The following ARHGEF4 variants were observed in gnomAD, a reference collection of about 807,000 sequenced individuals.
ARHGEF4 encodes the protein Rho guanine nucleotide exchange factor 4.
ARHGEF4 carries 119 observed loss-of-function variants against 162.0 expected under a neutral mutation model. That is an observed-to-expected ratio of 0.73 (90% CI 0.63 to 0.86). The LOEUF is 0.86. Ranked by LOEUF, ARHGEF4 falls within the 40% of genes least tolerant of loss-of-function variation. ARHGEF4 has a pLI of 0.00. For missense variants in ARHGEF4, 2,488 were observed against 2,456.0 expected (o/e 1.01, Z -0.28); for synonymous variants, 1,014 against 979.9 (o/e 1.03, Z -0.65).
intron 4 of ARHGEF4, among the ~76,000 whole-genome samples, chr2:131,016,317 C>T (rs968009780): frequency 1.3e-5 from 2 of 152,212 alleles, no homozygotes; most frequent in African/African-American, 4.8e-5. Flanking sequence ...TCCTCAGAAC[C>T]CTGCGTGTGT....
intron 4 of ARHGEF4, among the ~76,000 whole-genome samples, chr2:130,958,085 G>T (rs1409592120): frequency 2.0e-5 from 3 of 151,890 alleles, no homozygotes; most frequent in Non-Finnish European, 2.9e-5. Context: ...GCCAAAGAAG[G>T]AAGTCACCCC....
intron 4 of ARHGEF4, among the ~76,000 whole-genome samples, chr2:130,987,964 G>T (rs775985725): frequency 3.3e-5 from 5 of 152,168 alleles, no homozygotes; most frequent in Non-Finnish European, 7.3e-5. Context: ...CACTGTGACA[G>T]ACTGACAGGT....
chr2:130,962,727 C>G (rs1206739998), intron 4 of ARHGEF4, among the ~76,000 whole-genome samples: 1 of 151,976 alleles, frequency 6.6e-6, no homozygotes, highest in Non-Finnish European at 1.5e-5. Flanking sequence ...ATTTCATCCT[C>G]TCCCTCTCAA....
rs58855269 is a variant in ARHGEF4, at chr2:130,854,846, T to TTTTATTTATTTATTTA, written c.39+17882_39+17897dup. On this transcript the variant is annotated intron_variant, in intron 1 of 13. Transcript: ENST00000409359. ...TGCAGCTTTGCTGGAGGAGTCTGAC[T>TTTTATTTATTTATTTA]TTTATTTATTTATTTATTTATTTAT... Among the ~76,000 whole-genome samples, 151 of 140,310 alleles carry TTTTATTTATTTATTTA rather than the reference T, an allele frequency of 1.1e-3. 2 individuals are homozygous for TTTTATTTATTTATTTA. The highest frequency in any genetic ancestry group is 5.9e-4 in the Non-Finnish European group (38 of 64,918). The allele number at this position is 140,310 out of a possible 152,430, so 92.0% of individuals were successfully genotyped here.
chr2:131,042,067 C>T lies in ARHGEF4; in HGVS notation c.5025+123C>T. 2.2e-6 allele frequency: 3 copies of T among 1,357,698 alleles called. No homozygotes were observed. In the African/African-American group the frequency reaches 4.4e-5, roughly 20 times the overall value. 84.1% of individuals were successfully genotyped at this position (1,357,698 alleles called of 1,614,324 possible). A position where few individuals can be genotyped will look rare whatever the true frequency, so the allele number is the denominator to read the frequency against. ...GAGCTGCGCTCCTGGGAGCTAGCAACAGATGCTCATGGTGTGAAAGCCTGT... is the reference window on the plus strand; with the variant it reads ...GAGCTGCGCTCCTGGGAGCTAGCAATAGATGCTCATGGTGTGAAAGCCTGT... On this transcript the variant is annotated intron_variant, in intron 10 of 13. Coordinates refer to ENST00000409359, the MANE Select transcript of ARHGEF4 (RefSeq NM_001367493.1).
At chr2:130,874,372 C>G (rs1678692019) in intron 1 of ARHGEF4, among the ~76,000 whole-genome samples, 2 of 152,266 alleles carry the variant, frequency 1.3e-5, no homozygotes, top group Admixed American at 1.3e-4. Context: ...CCAAGTCATT[C>G]TGCTGACATG....
At chr2:130,846,511 C>T (rs272106) in intron 1 of ARHGEF4, among the ~76,000 whole-genome samples, 14,128 of 152,216 alleles carry the variant, frequency 0.093, 898 homozygotes, top group East Asian at 0.19. Context: ...AACCTGCCTG[C>T]GGGGGCTGTG....
In ARHGEF4 at chr2:130,916,350, A is replaced by C; in HGVS notation, c.2404A>C (p.Lys802Gln). ...GTTTTCCAAGGTGACCTCCTTCAGG[A>C]AGGGCAGGCCCTTGGCCACTGAGAG... ...PTFSKVTSFR[K>Q]GRPLATESPG... Residue 802 changes from lysine (K) to glutamine (Q), a missense_variant, in exon 2 of 14, where the codon AAG becomes CAG. Around this residue, in one of 6 missense-constraint regions of ARHGEF4, gnomAD observed 1,642 missense variants for 1,481.5 expected, o/e 1.11. Transcript: ENST00000409359. The C allele has an allele frequency of 6.5e-7, 1 of 1,542,872 alleles. No individual in the cohort carries two copies. Among genetic ancestry groups the C allele is most frequent in the Non-Finnish European group, 8.7e-7 (1 of 1,145,384 alleles).
intron 1 of ARHGEF4, among the ~76,000 whole-genome samples, chr2:130,864,201 G>GA (rs56982493): frequency 0.026 from 2,659 of 101,420 alleles, 77 homozygotes; most frequent in African/African-American, 0.08. Context: ...AAGAAAGAAA[G>GA]AAAAAAAAAA....
chr2:130,882,379 C>G (rs1204352425), intron 1 of ARHGEF4, among the ~76,000 whole-genome samples: 1 of 152,092 alleles, frequency 6.6e-6, no homozygotes, highest in Non-Finnish European at 1.5e-5. Flanking sequence ...GGCTGGACGC[C>G]CGTGGTCAGG....
chr2:131,041,762 AC>A, intron 9 of ARHGEF4, 52 bp from the exon 10 acceptor site: 1 of 1,592,190 alleles, frequency 6.3e-7, no homozygotes, highest in Non-Finnish European at 8.6e-7. Context: ...GGGGATCCTC[AC>A]CCTTTCTCTG....
Position 130,931,243 on chromosome 2 carries a change from A to G in ARHGEF4, c.3844A>G (p.Lys1282Glu), listed in dbSNP as rs764181668. 8.1e-6 allele frequency: 13 copies of G among 1,608,156 alleles called. No homozygotes were observed. The South Asian group carries it at 1.3e-4, about 16-fold the overall frequency. ...ERRLHIGAVH[K>E]DGVKCWRKTI... is the part of the protein sequence containing the mutation. ...GAGGCTGCACATAGGGGCAGTGCAC[A>G]AAGATGGAGTCAAGGTAAGCCACTC... Residue 1282 changes from lysine (K) to glutamate (E), a missense_variant, in exon 3 of 14, where the codon AAA becomes GAA. By Grantham distance (56) the Lys-to-Glu change is moderately conservative. Transcript: ENST00000409359.
chr2:130,866,559 G>A (rs948254547), intron 1 of ARHGEF4, among the ~76,000 whole-genome samples: 3 of 152,184 alleles, frequency 2.0e-5, no homozygotes. Flanking sequence ...GTCTCTCCTT[G>A]TATCCTTAGC....
intron 3 of ARHGEF4, among the ~76,000 whole-genome samples, chr2:130,940,267 G>A (rs879643996): frequency 5.9e-5 from 9 of 152,132 alleles, no homozygotes; most frequent in Admixed American, 2.0e-4. Flanking sequence ...ATTCTGTGTA[G>A]ATGGAACATA....
intron 1 of ARHGEF4, among the ~76,000 whole-genome samples, chr2:130,888,301 G>T (rs938887978): frequency 6.6e-6 from 1 of 151,888 alleles, no homozygotes; most frequent in East Asian, 1.9e-4. Context: ...GTGAAACCCC[G>T]TCTCTACTAA....
chr2:130,914,656 T>A lies in ARHGEF4; in HGVS notation c.710T>A (p.Leu237Gln). Residue 237 changes from leucine (L) to glutamine (Q), a missense_variant, in exon 2 of 14, where the codon CTG (leucine) becomes CAG (glutamine). Physicochemically the swap from Leu to Gln is moderately radical, Grantham distance 113. This residue lies in a region of ARHGEF4 where 1,642 missense variants were observed against 1,481.5 expected (regional missense o/e 1.11). Coordinates refer to ENST00000409359, the MANE Select transcript of ARHGEF4 (RefSeq NM_001367493.1). The stretch of plus-strand genomic sequence containing the variant: ...CCCTTCCTTCTCTGGTGCTGTGAAC[T>A]GGGTCGGAGTTGGCCACATATCCAC... ...VWPFLLWCCE[L>Q]GRSWPHIHNR... is the part of the protein sequence containing the mutation. 3 of 1,387,896 alleles carry A rather than the reference T, an allele frequency of 2.2e-6. No individual in the cohort carries two copies. The highest frequency in any genetic ancestry group is 2.8e-6 in the Non-Finnish European group (3 of 1,077,586). 86.0% of individuals were successfully genotyped at this position (1,387,896 alleles called of 1,614,324 possible).
chr2:131,035,000 AGGCGCCCCGCCTCTCCCCGGGCGCTGCG>A, intron 5 of ARHGEF4: 1 of 983,660 alleles, frequency 1.0e-6, no homozygotes, highest in African/African-American at 1.8e-5. Flanking sequence ...CCGCGAGCGC[AGGCGCCCCGCCTCTCCCCGGGCGCTGCG>A]GGCCACCGGC....
chr2:130,851,564 C>G (rs759070936), intron 1 of ARHGEF4, among the ~76,000 whole-genome samples: 2 of 152,200 alleles, frequency 1.3e-5, no homozygotes, highest in Non-Finnish European at 2.9e-5. Flanking sequence ...CACATGGTCT[C>G]TATCCGAGAG....
intron 1 of ARHGEF4, among the ~76,000 whole-genome samples, chr2:130,841,291 C>T (rs1680590732): frequency 6.6e-6 from 1 of 151,860 alleles, no homozygotes; most frequent in African/African-American, 2.4e-5. Flanking sequence ...GTCTCGAACT[C>T]CTGACCTCGT....
Sources: gnomAD v4.1 joint callset for allele counts (sites outside exome capture counted in the v4.1 genomes callset) on GRCh38, gnomAD v4.1.1 for gene constraint, gnomAD v4.1.1 regional missense constraint, MANE v1.5 for transcripts, NCBI Gene and HGNC (gene_info 2026-07-23, HGNC 2026-07-21) for gene names.